EDRF1: variants seen among roughly 807,000 people sequenced by gnomAD.
EDRF1 encodes the protein erythroid differentiation-related factor 1.
A neutral mutation model predicts 148.7 loss-of-function variants in EDRF1; 69 were observed. That is an observed-to-expected ratio of 0.46 (90% CI 0.38 to 0.57). The LOEUF is 0.57. Ranked by LOEUF, EDRF1 falls within the 20% of genes least tolerant of loss-of-function variation. The probability of loss-of-function intolerance (pLI) is 0.00; values close to 1 mark genes in which losing one functional copy is unlikely to be tolerated. For missense variants in EDRF1, 1,118 were observed against 1,478.7 expected, an observed-to-expected ratio of 0.76 and a Z score of 4.00; for synonymous variants, 515 against 532.8, an observed-to-expected ratio of 0.97 and a Z score of 0.46.
intron 18 of EDRF1, among the ~76,000 whole-genome samples, chr10:125,744,242 A>G (rs1435309678): frequency 6.8e-6 from 1 of 147,972 alleles, no homozygotes; most frequent in Non-Finnish European, 1.5e-5. Flanking sequence ...TTTTTGAGAC[A>G]GGGTTTTACT....
chr10:125,730,479 G>A, intron 9 of EDRF1, 80 bp downstream of exon 9: 1 of 1,137,048 alleles, frequency 8.8e-7, no homozygotes, highest in Non-Finnish European at 1.3e-6. Context: ...TTACGGCCCT[G>A]AAGTACTAAG....
chr10:125,749,375 C>T (rs111849127), intron 21 of EDRF1, 37 bp from the exon 22 acceptor site: 91 of 1,613,634 alleles, frequency 5.6e-5, no homozygotes, highest in Admixed American at 6.7e-5. Context: ...AAGTAGTTAC[C>T]GTGAAGGATT....
Position 125,738,433 on chromosome 10 carries a change from T to C in EDRF1, c.1969T>C (p.Phe657Leu), listed in dbSNP as rs370239105. 2.5e-5 allele frequency: 41 copies of C among 1,613,956 alleles called. No homozygotes were observed. The highest frequency in any genetic ancestry group is 3.4e-5 in the Non-Finnish European group (40 of 1,179,966). ...GGGGCTAGAGAAGCAGATGGCCTTG[T>C]TTTTGGACAAAAGTAAGTTGAATTG... ...PEGLEKQMAL[F>L]LDKMGSLQKG... The change falls in exon 15 of 25, where the codon TTT (phenylalanine) becomes CTT (leucine). Residue 657 changes from phenylalanine (F) to leucine (L), a missense_variant. Physicochemically the swap from Phe to Leu is conservative, Grantham distance 22. Around this residue, in one of 3 missense-constraint regions of EDRF1, gnomAD observed 954 missense variants for 1,241.4 expected, o/e 0.77. Transcript: ENST00000356792.
chr10:125,743,405 C>CT, intron 18 of EDRF1, 129 bp downstream of exon 18: 2 of 715,108 alleles, frequency 2.8e-6, no homozygotes, highest in Admixed American at 2.3e-5. Flanking sequence ...TAGAGAACCT[C>CT]TTATTATTCT....
intron 6 of EDRF1, among the ~76,000 whole-genome samples, chr10:125,727,379 G>T (rs1350374015): frequency 1.3e-5 from 2 of 152,174 alleles, no homozygotes; most frequent in East Asian, 1.9e-4. Context: ...ACAAATTCTT[G>T]TTCCAAAAAC....
Position 125,720,714 on chromosome 10 carries a change from G to A in EDRF1, c.109-490G>A, listed in dbSNP as rs181274150. The stretch of plus-strand genomic sequence containing the variant: ...TAATTCCAGCTACTAGGGAGGCTGA[G>A]GCAGGAGAATGGCGTAAACCCCAGA... On this transcript the variant is annotated intron_variant, in intron 1 of 24. Coordinates refer to ENST00000356792, the MANE Select transcript of EDRF1 (RefSeq NM_001202438.2). Among the ~76,000 whole-genome samples the A allele has an allele frequency of 3.9e-3, 596 of 151,902 alleles. 10 individuals are homozygous for A. The highest frequency in any genetic ancestry group is 0.025 in the South Asian group (121 of 4,814).
At chr10:125,728,368 AGTACCTG>A (rs1848356983) in intron 6 of EDRF1, among the ~76,000 whole-genome samples, 1 of 152,178 alleles carries the variant, frequency 6.6e-6, no homozygotes, top group Non-Finnish European at 1.5e-5. Context: ...CACAAAAGTG[AGTACCTG>A]GTAAACGTCA....
chr10:125,743,636 G>T (rs1278578133), intron 18 of EDRF1, among the ~76,000 whole-genome samples: 2 of 152,198 alleles, frequency 1.3e-5, no homozygotes, highest in Non-Finnish European at 2.9e-5. Context: ...TGCTGTGGAT[G>T]AGTACCGACG....
At chr10:125,751,376 C>T (rs1042838730) in intron 22 of EDRF1, among the ~76,000 whole-genome samples, 1 of 149,888 alleles carries the variant, frequency 6.7e-6, no homozygotes, top group African/African-American at 2.4e-5. Context: ...GTTTGTGACA[C>T]CTTTTATTCT....
Position 125,730,088 on chromosome 10 carries a change from C to T in EDRF1, c.1017-200C>T, listed in dbSNP as rs148784811. ...AACTTACCAATGTCAGTTAGAAATA[C>T]AAGCAAGCTTTTGGAAAGATGTTAA... On this transcript the variant is annotated intron_variant, in intron 8 of 24. Coordinates refer to ENST00000356792, the MANE Select transcript of EDRF1 (RefSeq NM_001202438.2). Among the ~76,000 whole-genome samples the T allele has an allele frequency of 2.4e-3, 373 of 152,274 alleles. 1 individual carries two copies. The highest frequency in any genetic ancestry group is 8.6e-3 in the African/African-American group (356 of 41,550).
At position 125,723,148 on chromosome 10, in the gene EDRF1, G is replaced by T; in HGVS notation, c.384+14G>T. The T allele has an allele frequency of 6.2e-7, 1 of 1,611,016 alleles. No homozygotes were observed. Among genetic ancestry groups the T allele is most frequent in the African/African-American group, 1.3e-5 (1 of 74,966 alleles). ...TCTGACTCTGAAGTAAGTGTTATTTGTCGCTTAATGTAATTTTGGAGGTGT... is the reference window on the plus strand; with the variant it reads ...TCTGACTCTGAAGTAAGTGTTATTTTTCGCTTAATGTAATTTTGGAGGTGT... On this transcript the variant is annotated intron_variant, in intron 3 of 24. Coordinates refer to ENST00000356792, the MANE Select transcript of EDRF1 (RefSeq NM_001202438.2).
rs1426043510 is a variant in EDRF1 at position 125,740,659 on chromosome 10, A to T, written c.2170+8A>T. 6.2e-7 allele frequency: 1 copy of T among 1,612,186 alleles called. No individual in the cohort carries two copies. ...TAGCTTTGCAAAGCCATGGTAAGCC[A>T]CTATAAATGAATATGTTTAATAGGC... On this transcript the variant is annotated splice_region_variant and intron_variant, in intron 16 of 24. Transcript: ENST00000356792.
At chr10:125,749,655 T>C (rs1002885929) in intron 22 of EDRF1, 90 bp downstream of exon 22, 2 of 1,470,254 alleles carry the variant, frequency 1.4e-6, no homozygotes, top group Admixed American at 3.4e-5. Context: ...ATCTAAATAA[T>C]ACTATTTTCT....
In EDRF1 at chr10:125,747,931, TC is replaced by T; in HGVS notation, c.3043del (p.Arg1015AspfsTer24). 1 of 1,614,220 alleles carries T rather than the reference TC, an allele frequency of 6.2e-7. No homozygotes were observed. Among genetic ancestry groups the T allele is most frequent in the South Asian group, 1.1e-5 (1 of 91,086 alleles). ...KYCDVDSVSA[R>X]QPLCQYRAAT... ...ACTGCGATGTGGATTCAGTGTCTGC[TC>T]GACAGCCCCTTTGTCAGTATCGAGC... is the stretch of plus-strand genomic sequence containing the variant. On this transcript the variant is annotated frameshift_variant, in exon 21 of 25. Coordinates refer to ENST00000356792, the MANE Select transcript of EDRF1 (RefSeq NM_001202438.2). LOFTEE classifies it high-confidence loss of function.
Position 125,738,296 on chromosome 10 carries a change from G to A in EDRF1, c.1832G>A (p.Gly611Asp), listed in dbSNP as rs746764081. 1.2e-6 allele frequency: 2 copies of A among 1,610,420 alleles called. No individual in the cohort carries two copies. Among genetic ancestry groups the A allele is most frequent in the South Asian group, 1.1e-5 (1 of 90,506 alleles). ...TGAATGCTTTTCCTTTTTTTGCAGG[G>A]TTTAAAATCTGTCGATAGCAGCATC... ...CRLVLSYVLE[G>D]LKSVDSSIKK... Residue 611 changes from glycine (G) to aspartate (D), a missense_variant and splice_region_variant, in exon 15 of 25, where the codon GGT (glycine) becomes GAT (aspartate). By Grantham distance (94) the Gly-to-Asp change is moderately conservative. Coordinates refer to ENST00000356792, the MANE Select transcript of EDRF1 (RefSeq NM_001202438.2).
intron 6 of EDRF1, 62 bp downstream of exon 6, chr10:125,725,900 T>G: frequency 6.8e-7 from 1 of 1,478,656 alleles, no homozygotes; most frequent in Non-Finnish European, 9.2e-7. Flanking sequence ...TTTTAACATC[T>G]CGTTAAAAAA....
intron 12 of EDRF1, 128 bp from the exon 13 acceptor site, chr10:125,735,516 T>A: frequency 1.2e-6 from 1 of 849,068 alleles, no homozygotes; most frequent in Non-Finnish European, 1.9e-6. Context: ...CATTTCTGTG[T>A]GTGTTACAGT....
chr10:125,742,337 C>G (rs981859709), intron 17 of EDRF1: 4 of 1,259,956 alleles, frequency 3.2e-6, no homozygotes, highest in Admixed American at 2.5e-5. Context: ...AAAGATGAGT[C>G]TTCTGAAGGT....
intron 18 of EDRF1, 122 bp from the exon 19 acceptor site, chr10:125,745,585 A>G: frequency 1.1e-6 from 1 of 933,996 alleles, no homozygotes; most frequent in South Asian, 1.4e-5. Flanking sequence ...GGTTGACTGC[A>G]GGTGACTGGC....
Sources: allele counts gnomAD v4.1 joint callset (sites outside exome capture counted in the v4.1 genomes callset), GRCh38; gene constraint gnomAD v4.1.1; regional missense constraint gnomAD v4.1.1; transcripts MANE v1.5; gene names NCBI Gene and HGNC (gene_info 2026-07-23, HGNC 2026-07-21).